TPST1: variants seen among roughly 807,000 people sequenced by gnomAD.
TPST1 encodes tyrosylprotein sulfotransferase 1.
A neutral mutation model predicts 34.8 loss-of-function variants in TPST1; 20 were observed. The ratio of observed to expected loss-of-function variants is 0.57; its 90% CI spans 0.40 to 0.84. The LOEUF is 0.84. TPST1 is among the 40% of genes least tolerant of loss of function. TPST1 has a pLI of 0.00. For missense variants in TPST1, 353 were observed against 455.5 expected (o/e 0.78, Z 2.05); for synonymous variants, 152 against 159.4 (o/e 0.95, Z 0.35).
intron 1 of TPST1, among the ~76,000 whole-genome samples, chr7:66,215,736 A>G (rs1028725531): frequency 1.4e-5 from 2 of 146,930 alleles, no homozygotes. Context: ...GATAGAATTT[A>G]CTAGTGAAGC....
rs1181871262 is a variant in TPST1 at position 66,286,524 on chromosome 7, A to G, written c.859A>G (p.Thr287Ala). The change falls in exon 3 of 6, where the codon ACA becomes GCA. Residue 287 changes from threonine (T) to alanine (A), a missense_variant. Coordinates refer to ENST00000304842, the MANE Select transcript of TPST1 (RefSeq NM_003596.4). ...GVSLSKVERSTDQVIKPVNVG... is the reference protein window; with the variant it reads ...GVSLSKVERSADQVIKPVNVG... The stretch of plus-strand genomic sequence containing the variant: ...TGTTGTTTTCAGAGTGGAGAGATCT[A>G]CAGACCAAGTAATCAAGCCAGTCAA... 12 of 1,596,634 alleles carry G rather than the reference A, an allele frequency of 7.5e-6. No individual in the cohort carries two copies. Among genetic ancestry groups the G allele is most frequent in the Non-Finnish European group, 1.0e-5 (12 of 1,170,342 alleles).
chr7:66,263,193 G>A (rs1007644700), intron 2 of TPST1, among the ~76,000 whole-genome samples: 1 of 152,184 alleles, frequency 6.6e-6, no homozygotes, highest in Admixed American at 6.5e-5. Flanking sequence ...TTAGGGTAAA[G>A]GTGGGGGTGC....
chr7:66,261,075 C>G (rs1790477486), intron 2 of TPST1, among the ~76,000 whole-genome samples: 1 of 152,178 alleles, frequency 6.6e-6, no homozygotes, highest in Non-Finnish European at 1.5e-5. Flanking sequence ...TGGGCTCTGC[C>G]TGGGACCCCC....
intron 2 of TPST1, among the ~76,000 whole-genome samples, chr7:66,247,879 T>C (rs1477156830): frequency 6.6e-6 from 1 of 152,200 alleles, no homozygotes; most frequent in African/African-American, 2.4e-5. Context: ...AAGGAACAAC[T>C]ACGCCCTGTT....
chr7:66,297,239 T>C (rs1188787275), intron 3 of TPST1, among the ~76,000 whole-genome samples: 2 of 152,196 alleles, frequency 1.3e-5, no homozygotes, highest in Non-Finnish European at 2.9e-5. Flanking sequence ...AGTGGGTCTC[T>C]TTCCTGAGCC....
At position 66,286,492 on chromosome 7, in the gene TPST1, C is replaced by T; in HGVS notation, c.846-19C>T. 2.0e-6 allele frequency: 3 copies of T among 1,483,588 alleles called. No individual in the cohort carries two copies. Among genetic ancestry groups the T allele is most frequent in the Non-Finnish European group, 2.7e-6 (3 of 1,115,782 alleles). 91.9% of individuals were successfully genotyped at this position (1,483,588 alleles called of 1,614,324 possible). A position where few individuals can be genotyped will look rare whatever the true frequency, so the allele number is the denominator to read the frequency against. On this transcript the variant is annotated intron_variant, in intron 2 of 5. Transcript: ENST00000304842. ...AAAAAATTTTAAATAAATATTTATT[C>T]ATATTATGTTGTTTTCAGAGTGGAG...
intron 2 of TPST1, among the ~76,000 whole-genome samples, chr7:66,278,810 A>G (rs555488203): frequency 6.1e-4 from 93 of 152,234 alleles, no homozygotes; most frequent in African/African-American, 2.2e-3. Flanking sequence ...AAAAAAAAAA[A>G]GTTTATCATA....
At chr7:66,199,880 ATTG>A in the TPST1 span, among the ~76,000 whole-genome samples, 1 of 151,774 alleles carries the variant, frequency 6.6e-6, no homozygotes, top group Non-Finnish European at 1.5e-5. Flanking sequence ...TGCCCGGCTA[ATTG>A]TTGTATTTTT....
chr7:66,314,712 G>T (rs1031921362), intron 3 of TPST1, among the ~76,000 whole-genome samples: 1 of 152,086 alleles, frequency 6.6e-6, no homozygotes, highest in African/African-American at 2.4e-5. Flanking sequence ...TAGGCTATAT[G>T]GTTTAGCCTA....
intron 2 of TPST1, among the ~76,000 whole-genome samples, chr7:66,242,693 C>T (rs1790061503): frequency 1.3e-5 from 2 of 152,138 alleles, no homozygotes; most frequent in African/African-American, 4.8e-5. Context: ...ACCGATGCCA[C>T]CTACATCTGC....
chr7:66,345,249 C>A (rs940827837), intron 3 of TPST1, among the ~76,000 whole-genome samples: 6 of 151,284 alleles, frequency 4.0e-5, no homozygotes, highest in African/African-American at 1.5e-4. Flanking sequence ...GTAATCCCAG[C>A]ATTTTGGGAG....
chr7:66,337,299 ATTTTTT>A (rs749288846), intron 3 of TPST1, among the ~76,000 whole-genome samples: 15 of 107,722 alleles, frequency 1.4e-4, no homozygotes, highest in South Asian at 1.4e-3. Flanking sequence ...TAAAAGACAA[ATTTTTT>A]TTTTTTTTTT....
At position 66,358,338 on chromosome 7, in the gene TPST1, T is replaced by TTA. The variant is rs1554358814; in HGVS notation, c.*29+1472_*29+1473dup. Among the ~76,000 whole-genome samples, 528 of 151,550 alleles carry TTA rather than the reference T, an allele frequency of 3.5e-3. 4 individuals carry two copies. Among genetic ancestry groups the TTA allele is most frequent in the African/African-American group, 0.012 (488 of 41,392 alleles). Reference sequence around the variant, plus strand: ...ACTTGCTGACCTTTGTTTTTTTTTTTTATATAATGTTTTTATTTTTACTTT... The same window carrying TTA: ...ACTTGCTGACCTTTGTTTTTTTTTTTTATATATAATGTTTTTATTTTTACTTT... On this transcript the variant is annotated intron_variant, in intron 5 of 5. Transcript: ENST00000304842.
upstream of TPST1, among the ~76,000 whole-genome samples, chr7:66,204,404 C>G (rs1411895643): frequency 6.6e-6 from 1 of 152,238 alleles, no homozygotes; most frequent in East Asian, 1.9e-4. Context: ...TTAGCAGGGA[C>G]GGGGTTTCAC....
At chr7:66,245,419 C>G (rs184425921) in intron 2 of TPST1, among the ~76,000 whole-genome samples, 1 of 152,344 alleles carries the variant, frequency 6.6e-6, no homozygotes, top group Admixed American at 6.5e-5. Context: ...AGGATTCTCA[C>G]TGAAGACAGG....
intron 3 of TPST1, among the ~76,000 whole-genome samples, chr7:66,348,688 C>T (rs904233138): frequency 1.3e-5 from 2 of 152,208 alleles, no homozygotes; most frequent in Non-Finnish European, 2.9e-5. Context: ...ATTTCTAGCT[C>T]TGCTGTTTGT....
chr7:66,260,431 G>A (rs550569658), intron 2 of TPST1, among the ~76,000 whole-genome samples: 14 of 152,322 alleles, frequency 9.2e-5, no homozygotes, highest in Non-Finnish European at 1.3e-4. Context: ...GATTAGGGAT[G>A]CTCAACGTGT....
intron 2 of TPST1, among the ~76,000 whole-genome samples, chr7:66,253,160 T>A (rs1790302791): frequency 6.6e-6 from 1 of 152,142 alleles, no homozygotes; most frequent in Admixed American, 6.5e-5. Context: ...GTATTATAAG[T>A]AATCTAGAGA....
Position 66,286,547 on chromosome 7 carries a change from C to A in TPST1, c.882C>A (p.Val294=), listed in dbSNP as rs781536159. ...CTACAGACCAAGTAATCAAGCCAGT[C>A]AATGTAGGAGCTCTATCAAAATGGG... ...ERSTDQVIKP[V]NVGALSKWVG... is the part of the protein sequence containing the mutation. Residue 294 remains valine, a synonymous_variant, in exon 3 of 6, where the codon GTC becomes GTA. Transcript: ENST00000304842. 1.2e-6 allele frequency: 2 copies of A among 1,602,116 alleles called. No homozygotes were observed. Among genetic ancestry groups the A allele is most frequent in the South Asian group, 1.1e-5 (1 of 89,642 alleles).
Sources: allele counts gnomAD v4.1 joint callset (sites outside exome capture counted in the v4.1 genomes callset), GRCh38; gene constraint gnomAD v4.1.1; transcripts MANE v1.5; gene names NCBI Gene and HGNC (gene_info 2026-07-23, HGNC 2026-07-21).